KIAA0825: variants seen among roughly 807,000 people sequenced by gnomAD.
KIAA0825 encodes KIAA0825.
In KIAA0825, 119 loss-of-function variants were observed where a neutral mutation model predicts 147.6. The observed-to-expected ratio is 0.81, with a 90% CI of 0.69 to 0.94. The LOEUF is 0.94. Among genes scored for constraint, KIAA0825 ranks in the 40% least tolerant of loss-of-function variants. The pLI is 0.00. For missense variants in KIAA0825, 1,381 were observed against 1,472.7 expected (o/e 0.94, Z 1.02); for synonymous variants, 470 against 518.1 (o/e 0.91, Z 1.26).
intron 20 of KIAA0825, among the ~76,000 whole-genome samples, chr5:94,273,965 T>G (rs1226051776): frequency 2.6e-5 from 4 of 152,158 alleles, no homozygotes; most frequent in African/African-American, 7.2e-5. Flanking sequence ...ATATTGTCCA[T>G]ATGAAATAGG....
intron 20 of KIAA0825, among the ~76,000 whole-genome samples, chr5:94,242,289 C>T (rs1318823743): frequency 1.3e-5 from 2 of 152,154 alleles, no homozygotes; most frequent in Non-Finnish European, 2.9e-5. Context: ...TGCAGTCTGC[C>T]TCTATAATAT....
At chr5:94,377,659 G>C (rs575579449) in intron 20 of KIAA0825, among the ~76,000 whole-genome samples, 2 of 152,168 alleles carry the variant, frequency 1.3e-5, no homozygotes, top group Non-Finnish European at 2.9e-5. Flanking sequence ...AGCATCAAAA[G>C]TAAAGGTGTA....
At chr5:94,551,878 A>G (rs1775608848) in intron 2 of KIAA0825, among the ~76,000 whole-genome samples, 1 of 152,124 alleles carries the variant, frequency 6.6e-6, no homozygotes, top group Admixed American at 6.5e-5. Context: ...GAAAAAATAT[A>G]TACAAATAAA....
At chr5:94,466,925 C>G (rs1020567436) in intron 10 of KIAA0825, among the ~76,000 whole-genome samples, 11 of 151,942 alleles carry the variant, frequency 7.2e-5, no homozygotes, top group African/African-American at 2.7e-4. Context: ...AAAACTGACC[C>G]CAGTTGATAG....
At chr5:94,351,356 A>C (rs921569125) in intron 20 of KIAA0825, among the ~76,000 whole-genome samples, 2 of 152,116 alleles carry the variant, frequency 1.3e-5, no homozygotes, top group Non-Finnish European at 2.9e-5. Flanking sequence ...ACAACAAAAA[A>C]CACCACTTAG....
chr5:94,499,395 A>G (rs529887451), intron 5 of KIAA0825, among the ~76,000 whole-genome samples: 3 of 152,126 alleles, frequency 2.0e-5, no homozygotes, highest in African/African-American at 4.8e-5. Flanking sequence ...TTGTTCATCA[A>G]TTCTTGTTTT....
At chr5:94,549,640 G>T (rs901133919) in intron 2 of KIAA0825, among the ~76,000 whole-genome samples, 2 of 152,144 alleles carry the variant, frequency 1.3e-5, no homozygotes, top group African/African-American at 4.8e-5. Flanking sequence ...TTGAACCCAG[G>T]AGGCAGAGGT....
intron 20 of KIAA0825, among the ~76,000 whole-genome samples, chr5:94,270,812 A>T (rs1007857824): frequency 5.3e-5 from 8 of 152,148 alleles, no homozygotes; most frequent in Non-Finnish European, 1.2e-4. Context: ...CAATATAGGA[A>T]GGGGAAAATA....
intron 2 of KIAA0825, among the ~76,000 whole-genome samples, chr5:94,566,705 G>T (rs1462898525): frequency 4.6e-5 from 7 of 151,902 alleles, no homozygotes; most frequent in Non-Finnish European, 8.8e-5. Context: ...TTCATACCAT[G>T]AATAGACTCT....
At chr5:94,293,753 T>C (rs1778010900) in intron 20 of KIAA0825, among the ~76,000 whole-genome samples, 1 of 152,178 alleles carries the variant, frequency 6.6e-6, no homozygotes, top group South Asian at 2.1e-4. Flanking sequence ...TCTAAGTCTC[T>C]TTGTAGGTCT....
intron 20 of KIAA0825, among the ~76,000 whole-genome samples, chr5:94,166,345 A>G (rs1583720154): frequency 1.3e-5 from 2 of 152,154 alleles, no homozygotes; most frequent in East Asian, 1.9e-4. Context: ...TCAGTTTAGT[A>G]TGAAATGTCA....
At chr5:94,450,805 AC>A (rs1326561465) in intron 13 of KIAA0825, among the ~76,000 whole-genome samples, 1 of 152,216 alleles carries the variant, frequency 6.6e-6, no homozygotes, top group African/African-American at 2.4e-5. Flanking sequence ...AAAAGACCTT[AC>A]ATAATTAATA....
At chr5:94,360,551 A>C (rs746462729) in intron 20 of KIAA0825, among the ~76,000 whole-genome samples, 9 of 152,220 alleles carry the variant, frequency 5.9e-5, no homozygotes, top group Non-Finnish European at 1.2e-4. Flanking sequence ...CATCAAAACC[A>C]AGATGGCGAT....
At chr5:94,455,458 G>A (rs533263648) in intron 12 of KIAA0825, among the ~76,000 whole-genome samples, 1 of 152,286 alleles carries the variant, frequency 6.6e-6, no homozygotes, top group South Asian at 2.1e-4. Context: ...AGTGCACTGA[G>A]TGAGTGGTAG....
chr5:94,359,954 A>G (rs1744838304), intron 20 of KIAA0825, among the ~76,000 whole-genome samples: 1 of 152,224 alleles, frequency 6.6e-6, no homozygotes, highest in South Asian at 2.1e-4. Flanking sequence ...ACAGCGCTAC[A>G]GAAAAATCAC....
At position 94,537,068 on chromosome 5, in the gene KIAA0825, G is replaced by T; in HGVS notation, c.59C>A (p.Ser20Ter). 6.2e-7 allele frequency: 1 copy of T among 1,608,688 alleles called. No homozygotes were observed. The highest frequency in any genetic ancestry group is 1.1e-5 in the South Asian group (1 of 90,872). Reference sequence around the variant, plus strand: ...CTCAAACTCCAAGTCTCCAGGAAATGAGTTTAACAAACAATGTAGGTCAAA... The same window carrying T: ...CTCAAACTCCAAGTCTCCAGGAAATTAGTTTAACAAACAATGTAGGTCAAA... ...NSFDLHCLLN[S>*]FPGDLEFEQI... The change falls in exon 3 of 21, where the codon TCA becomes TAA. Residue 20 changes from serine (S) to a stop codon, truncating the protein, a stop_gained. Transcript: ENST00000682413. LOFTEE classifies it high-confidence loss of function.
At chr5:94,345,867 C>G (rs574220611) in intron 20 of KIAA0825, among the ~76,000 whole-genome samples, 179 of 152,162 alleles carry the variant, frequency 1.2e-3, no homozygotes, top group Non-Finnish European at 1.7e-3. Context: ...GGGCTTACAC[C>G]TCTAAGGGGG....
At chr5:94,437,374 T>C (rs182182672) in intron 14 of KIAA0825, among the ~76,000 whole-genome samples, 40 of 152,266 alleles carry the variant, frequency 2.6e-4, no homozygotes, top group Admixed American at 2.6e-3. Flanking sequence ...TTATGGTATT[T>C]GAAGTAGCTA....
intron 20 of KIAA0825, among the ~76,000 whole-genome samples, chr5:94,271,671 T>G (rs536226075): frequency 9.9e-4 from 151 of 152,160 alleles, no homozygotes; most frequent in African/African-American, 3.5e-3. Flanking sequence ...TCGTTGAACC[T>G]GGGAGGCAGA....
Sources: allele counts gnomAD v4.1 joint callset (sites outside exome capture counted in the v4.1 genomes callset), GRCh38; gene constraint gnomAD v4.1.1; transcripts MANE v1.5; gene names NCBI Gene and HGNC (gene_info 2026-07-23, HGNC 2026-07-21).